Variants in SEPTIN14 observed in about 807,000 individuals in gnomAD.
The protein encoded by SEPTIN14 is septin-14.
Under a neutral mutation model 53.6 loss-of-function variants are expected in SEPTIN14, and 40 were observed. That is an observed-to-expected ratio of 0.75 (90% CI 0.58 to 0.97). The LOEUF is 0.97. Among genes scored for constraint, SEPTIN14 ranks in the 50% least tolerant of loss-of-function variants. The pLI, the probability that SEPTIN14 is intolerant of heterozygous loss-of-function variation, is 0.00. For missense variants in SEPTIN14, 471 were observed against 508.2 expected, an observed-to-expected ratio of 0.93 and a Z score of 0.70; for synonymous variants, 138 against 166.8, an observed-to-expected ratio of 0.83 and a Z score of 1.33.
chr7:55,793,894 T>C lies in SEPTIN14; in HGVS notation c.*2019A>G, dbSNP rs1190271534. 6.6e-6 allele frequency: 1 copy of C among 152,044 alleles called. No homozygotes were observed. Among genetic ancestry groups the C allele is most frequent in the Non-Finnish European group, 1.5e-5 (1 of 67,980 alleles). 9.4% of individuals were successfully genotyped at this position (152,044 alleles called of 1,614,324 possible). A position where few individuals can be genotyped will look rare whatever the true frequency, so the allele number is the denominator to read the frequency against. ...AGAAGTAAATAATTGAGAAAATGACTGGCAAAAATCAGTAACTGACGTATT... is the reference window on the plus strand; with the variant it reads ...AGAAGTAAATAATTGAGAAAATGACCGGCAAAAATCAGTAACTGACGTATT... On this transcript the variant is annotated 3_prime_UTR_variant, in exon 10 of 10. Coordinates refer to ENST00000388975, the MANE Select transcript of SEPTIN14 (RefSeq NM_207366.3).
chr7:55,802,860 G>C (rs1000660277), intron 9 of SEPTIN14, among the ~76,000 whole-genome samples: 2 of 151,590 alleles, frequency 1.3e-5, no homozygotes, highest in Non-Finnish European at 2.9e-5. Context: ...CTGATAAGGG[G>C]TTAATGCCCC....
chr7:55,811,137 G>A (rs1308911731), intron 7 of SEPTIN14: 5 of 483,564 alleles, frequency 1.0e-5, no homozygotes, highest in Admixed American at 4.8e-5. Context: ...ATCCAGGTCA[G>A]CTGTTGCTGC....
At chr7:55,801,998 C>CTTT (rs769073126) in intron 9 of SEPTIN14, among the ~76,000 whole-genome samples, 1 of 139,566 alleles carries the variant, frequency 7.2e-6, no homozygotes, top group Non-Finnish European at 1.6e-5. Flanking sequence ...AGTATGGTTT[C>CTTT]TTTTTTTTTT....
intron 6 of SEPTIN14, among the ~76,000 whole-genome samples, chr7:55,829,547 A>AT (rs1789055617): frequency 6.6e-6 from 1 of 152,108 alleles, no homozygotes; most frequent in Non-Finnish European, 1.5e-5. Flanking sequence ...ACTAATATGA[A>AT]TATCTCTATG....
rs1301265336 is a variant in SEPTIN14 at position 55,795,017 on chromosome 7, A to C, written c.*896T>G. 1 of 152,174 alleles carries C rather than the reference A, an allele frequency of 6.6e-6. No homozygotes were observed. Among genetic ancestry groups the C allele is most frequent in the Non-Finnish European group, 1.5e-5 (1 of 68,036 alleles). The allele number at this position is 152,174 out of a possible 1,614,324, so 9.4% of individuals were successfully genotyped here. On this transcript the variant is annotated 3_prime_UTR_variant, in exon 10 of 10. Coordinates refer to ENST00000388975, the MANE Select transcript of SEPTIN14 (RefSeq NM_207366.3). ...TCTGTAACACATAATATTATCATTC[A>C]AATGCAACTCTTTCTCTAGCTTTTG... is the stretch of plus-strand genomic sequence containing the variant.
chr7:55,806,321 A>AAC (rs1281941526), intron 8 of SEPTIN14, among the ~76,000 whole-genome samples: 6 of 151,834 alleles, frequency 4.0e-5, no homozygotes, highest in African/African-American at 1.5e-4. Context: ...AGTTAGAGCA[A>AAC]ACACCTGCTC....
In SEPTIN14 at chr7:55,796,006, T is replaced by C. The variant is rs760331390; in HGVS notation, c.1206A>G (p.Glu402=). The change falls in exon 10 of 10, where the codon GAA becomes GAG. Residue 402 remains glutamate (E), a synonymous_variant. Coordinates refer to ENST00000388975, the MANE Select transcript of SEPTIN14 (RefSeq NM_207366.3). ...LEEEKKQLEG[E]IIDFYKMKAA... is the part of the protein sequence containing the mutation. ...CTTTCATTTTATAAAAATCTATGATTTCTCCTTCCAGTTGTTTTTTCTCTT... is the reference window on the plus strand; with the variant it reads ...CTTTCATTTTATAAAAATCTATGATCTCTCCTTCCAGTTGTTTTTTCTCTT... 2 of 1,567,728 alleles carry C rather than the reference T, an allele frequency of 1.3e-6. No homozygotes were observed. The highest frequency in any genetic ancestry group is 2.2e-5 in the South Asian group (2 of 90,386).
rs1490654391 is a variant in SEPTIN14, at chr7:55,795,965, A to G, written c.1247T>C (p.Leu416Pro). The G allele has an allele frequency of 3.1e-6, 5 of 1,593,350 alleles. No homozygotes were observed. In the East Asian group the frequency reaches 1.1e-4, roughly 36 times the overall value. Residue 416 changes from leucine to proline, a missense_variant, in exon 10 of 10, where the codon CTG becomes CCG. Coordinates refer to ENST00000388975, the MANE Select transcript of SEPTIN14 (RefSeq NM_207366.3). ...TGTATCGGTGCTCAGCTGAGTCTGC[A>G]GTGCTTCGGAGGCAGCTTTCATTTT... ...FYKMKAASEA[L>P]QTQLSTDTKK... is the part of the protein sequence containing the mutation.
intron 3 of SEPTIN14, among the ~76,000 whole-genome samples, chr7:55,845,396 TC>T (rs1212832474): frequency 6.6e-6 from 1 of 152,326 alleles, no homozygotes; most frequent in African/African-American, 2.4e-5. Flanking sequence ...TGAGATCATG[TC>T]CTTTGCAGGA....
intron 6 of SEPTIN14, among the ~76,000 whole-genome samples, chr7:55,827,255 C>T (rs550359521): frequency 6.6e-6 from 1 of 152,314 alleles, no homozygotes; most frequent in African/African-American, 2.4e-5. Flanking sequence ...GAAGCTGCTT[C>T]CCCTTTGTAC....
chr7:55,800,708 A>T (rs1041658595), intron 9 of SEPTIN14, among the ~76,000 whole-genome samples: 3 of 152,076 alleles, frequency 2.0e-5, no homozygotes, highest in African/African-American at 7.2e-5. Context: ...GGTGGGGGGA[A>T]GTGAGGACAT....
rs949314026 is a variant in SEPTIN14, at chr7:55,811,477, T to G, written c.818-4219A>C. 1.4e-4 allele frequency: 49 copies of G among 339,156 alleles called. 1 individual carries two copies. Among genetic ancestry groups the G allele is most frequent in the South Asian group, 1.3e-3 (44 of 33,364 alleles). 21.0% of individuals were successfully genotyped at this position (339,156 alleles called of 1,614,324 possible). On this transcript the variant is annotated intron_variant, in intron 7 of 9. Transcript: ENST00000388975. ...AGGAAGGCAAACTCTTCTCCAATTT[T>G]AAATCAAGTTTTACAGTTCTTTTTT...
intron 2 of SEPTIN14, among the ~76,000 whole-genome samples, chr7:55,857,693 T>A (rs1177449273): frequency 7.1e-6 from 1 of 140,168 alleles, no homozygotes; most frequent in Non-Finnish European, 1.5e-5. Context: ...GTTCACGCCA[T>A]TCTCCTGCCT....
chr7:55,829,452 G>T (rs1438666040), intron 6 of SEPTIN14, among the ~76,000 whole-genome samples: 1 of 150,186 alleles, frequency 6.7e-6, no homozygotes, highest in Non-Finnish European at 1.5e-5. Flanking sequence ...AAAAAAGACA[G>T]AAGATTCAAG....
chr7:55,816,321 T>C (rs1015269043), intron 7 of SEPTIN14, among the ~76,000 whole-genome samples: 1 of 152,120 alleles, frequency 6.6e-6, no homozygotes, highest in Non-Finnish European at 1.5e-5. Flanking sequence ...CAATAATTTA[T>C]TGTACATTTT....
At chr7:55,822,528 C>T (rs1411425868) in intron 6 of SEPTIN14, among the ~76,000 whole-genome samples, 7 of 151,276 alleles carry the variant, frequency 4.6e-5, no homozygotes, top group Non-Finnish European at 7.4e-5. Context: ...ATCAAAACAG[C>T]GTGGCATGGG....
chr7:55,846,065 G>GTATATATATATA (rs56306800), intron 3 of SEPTIN14, among the ~76,000 whole-genome samples: 2,175 of 39,520 alleles, frequency 0.055, 322 homozygotes, highest in East Asian at 0.17. Context: ...AAAAAAAAAA[G>GTATATATATATA]TATATATATA....
chr7:55,858,398 G>A (rs954010561), intron 2 of SEPTIN14, among the ~76,000 whole-genome samples: 4 of 152,180 alleles, frequency 2.6e-5, no homozygotes, highest in African/African-American at 9.6e-5. Context: ...TACTCTTTCT[G>A]AGGCATAGCA....
At chr7:55,832,943 C>G (rs1307744333) in intron 6 of SEPTIN14, among the ~76,000 whole-genome samples, 2 of 152,054 alleles carry the variant, frequency 1.3e-5, no homozygotes, top group Non-Finnish European at 2.9e-5. Flanking sequence ...ATCTATTTGA[C>G]AAATATGCAC....
Sources: gnomAD v4.1 joint callset for allele counts (sites outside exome capture counted in the v4.1 genomes callset) on GRCh38, gnomAD v4.1.1 for gene constraint, MANE v1.5 for transcripts, NCBI Gene and HGNC (gene_info 2026-07-23, HGNC 2026-07-21) for gene names.